The following NBPF11 variants were observed in gnomAD, a reference collection of about 807,000 sequenced individuals.
The protein encoded by NBPF11 is NBPF member 11.
NBPF11 carries 72 observed loss-of-function variants against 93.9 expected under a neutral mutation model. The ratio of observed to expected loss-of-function variants is 0.77; its 90% CI spans 0.63 to 0.93. The LOEUF (loss-of-function observed/expected upper bound fraction) is 0.93. Ranked by LOEUF, NBPF11 falls within the 40% of genes least tolerant of loss-of-function variation. The pLI is 0.00. For missense variants in NBPF11, 705 were observed against 802.2 expected (o/e 0.88, Z 1.46); for synonymous variants, 224 against 304.9 (o/e 0.73, Z 2.76).
At chr1:148,147,699 G>A (rs1330466807) in intron 1 of NBPF11, among the ~76,000 whole-genome samples, 11 of 151,966 alleles carry the variant, frequency 7.2e-5, no homozygotes, top group East Asian at 1.9e-4. Context: ...TGGGGTCGTC[G>A]TTGCCTTGGT....
intron 2 of NBPF11, among the ~76,000 whole-genome samples, chr1:148,140,368 C>G (rs1275577478): frequency 6.6e-6 from 1 of 151,108 alleles, no homozygotes; most frequent in Non-Finnish European, 1.5e-5. Context: ...TCAATGATGG[C>G]TTCTTAAATA....
At position 148,122,098 on chromosome 1, in the gene NBPF11, TTC is replaced by T; in HGVS notation, c.733_734del (p.Glu245IlefsTer4). ...CATCCTGACATCCATCATGAGAGGA[TTC>T]TCTGTCTACAACCAGAGATGAGTTG... ...KVNSSLVVDR[E>X]SSHDGCQDAL... is the part of the protein sequence containing the mutation. On this transcript the variant is annotated frameshift_variant, in exon 9 of 24. Transcript: ENST00000682118. LOFTEE classifies it high-confidence loss of function. 6.2e-7 allele frequency: 1 copy of T among 1,612,598 alleles called. No individual in the cohort carries two copies. The highest frequency in any genetic ancestry group is 1.7e-5 in the Admixed American group (1 of 60,018).
intron 4 of NBPF11, among the ~76,000 whole-genome samples, chr1:148,132,250 T>G (rs1223774545): frequency 1.4e-5 from 2 of 146,188 alleles, no homozygotes; most frequent in African/African-American, 2.6e-5. Context: ...TGTGTGTGTG[T>G]GTGTGGGGGT....
Position 148,122,035 on chromosome 1 carries a change from A to T in NBPF11, c.778+20T>A. ...CATAGCCTAGACAGAGGTATGAGAC[A>T]CAAGGAAAATAGAGGCTACCTGGGA... is the stretch of plus-strand genomic sequence containing the variant. On this transcript the variant is annotated intron_variant, in intron 9 of 23. Coordinates refer to ENST00000682118, the MANE Select transcript of NBPF11 (RefSeq NM_001385469.3). The T allele has an allele frequency of 6.5e-7, 1 of 1,548,402 alleles. No individual in the cohort carries two copies. Among genetic ancestry groups the T allele is most frequent in the Non-Finnish European group, 8.9e-7 (1 of 1,120,670 alleles).
intron 3 of NBPF11, among the ~76,000 whole-genome samples, chr1:148,137,261 A>G (rs1384555445): frequency 2.6e-5 from 4 of 151,796 alleles, no homozygotes; most frequent in South Asian, 2.1e-4. Context: ...GAAGGACTCC[A>G]TAAGTTGTTA....
chr1:148,109,878 C>T lies in NBPF11; in HGVS notation c.1801+500G>A, dbSNP rs1385995294. Among the ~76,000 whole-genome samples the T allele has an allele frequency of 1.9e-3, 261 of 138,442 alleles. 1 individual carries two copies. Among genetic ancestry groups the T allele is most frequent in the African/African-American group, 6.9e-3 (241 of 35,102 alleles). 90.8% of individuals were successfully genotyped at this position (138,442 alleles called of 152,430 possible). The stretch of plus-strand genomic sequence containing the variant: ...TGACGGACAGATGAGCTAAAACAAG[C>T]GAACTTAGAAGACACAGAAAATGGG... On this transcript the variant is annotated intron_variant, in intron 16 of 23. Coordinates refer to ENST00000682118, the MANE Select transcript of NBPF11 (RefSeq NM_001385469.3).
intron 19 of NBPF11, among the ~76,000 whole-genome samples, chr1:148,107,387 C>T (rs1197337180): frequency 6.6e-5 from 10 of 151,028 alleles, no homozygotes; most frequent in African/African-American, 2.4e-4. Flanking sequence ...TCAAAGGACA[C>T]TCTGAGTTAG....
Position 148,103,684 on chromosome 1 carries a change from G to C in NBPF11, c.*212C>G. On this transcript the variant is annotated 3_prime_UTR_variant, in exon 24 of 24. Transcript: ENST00000682118. ...TAAGGGCTGCTTATTGTGGGAATAT[G>C]ACTCCCATCTGGAAGACCAGGTGGA... 3 of 1,611,272 alleles carry C rather than the reference G, an allele frequency of 1.9e-6. No homozygotes were observed. Among genetic ancestry groups the C allele is most frequent in the South Asian group, 1.1e-5 (1 of 90,982 alleles).
intron 7 of NBPF11, among the ~76,000 whole-genome samples, chr1:148,123,190 G>T (rs1174544783): frequency 1.3e-5 from 2 of 151,930 alleles, no homozygotes; most frequent in African/African-American, 4.9e-5. Flanking sequence ...GGACAAACTT[G>T]TCCCACAGTC....
chr1:148,143,277 T>C (rs1432470769), intron 2 of NBPF11, 138 bp downstream of exon 2: 41 of 467,640 alleles, frequency 8.8e-5, no homozygotes, highest in South Asian at 1.9e-4. Context: ...ATTTAACATA[T>C]ATTTATTTAA....
At position 148,116,718 on chromosome 1, in the gene NBPF11, C is replaced by T. The variant is rs1418864199; in HGVS notation, c.1307-183G>A. Among the ~76,000 whole-genome samples, 1,406 of 151,752 alleles carry T rather than the reference C, an allele frequency of 9.3e-3. 8 individuals carry two copies. Among genetic ancestry groups the T allele is most frequent in the Non-Finnish European group, 0.014 (954 of 67,986 alleles). On this transcript the variant is annotated intron_variant, in intron 12 of 23. Transcript: ENST00000682118. Reference sequence around the variant, plus strand: ...TCCTGGTCCATCAGGCAATGCATTTCTGATCTGGAGGGCCACCATCAAGAT... The same window carrying T: ...TCCTGGTCCATCAGGCAATGCATTTTTGATCTGGAGGGCCACCATCAAGAT...
At chr1:148,140,863 A>G (rs3992740) in intron 2 of NBPF11, among the ~76,000 whole-genome samples, 5 of 151,628 alleles carry the variant, frequency 3.3e-5, no homozygotes, top group Admixed American at 2.0e-4. Flanking sequence ...GTAAGTACTT[A>G]CAGCAATTTT....
At position 148,110,377 on chromosome 1, in the gene NBPF11, C is replaced by T. The variant is rs1664958568; in HGVS notation, c.1801+1G>A. On this transcript the variant is annotated splice_donor_variant, in intron 16 of 23. Transcript: ENST00000682118. LOFTEE classifies it high-confidence loss of function. ...TATCACCTTCACAATGGAGTACTCA[C>T]TGCCTATGTCAACAGCCATGCAGAC... 2.5e-6 allele frequency: 4 copies of T among 1,581,866 alleles called. No homozygotes were observed. In the East Asian group the frequency reaches 9.0e-5, roughly 36 times the overall value.
chr1:148,146,573 C>T (rs1673125791), intron 1 of NBPF11: 25 of 1,606,862 alleles, frequency 1.6e-5, no homozygotes, highest in Non-Finnish European at 2.1e-5. Context: ...AGAGCCTCCT[C>T]GGGCGCACCC....
At chr1:148,146,109 C>T (rs1352461158) in intron 1 of NBPF11, among the ~76,000 whole-genome samples, 2 of 151,414 alleles carry the variant, frequency 1.3e-5, no homozygotes, top group African/African-American at 2.4e-5. Flanking sequence ...GGCGGGCGGC[C>T]GGGAGCCATG....
At chr1:148,133,571 T>C (rs1670783007) in intron 4 of NBPF11, among the ~76,000 whole-genome samples, 1 of 152,118 alleles carries the variant, frequency 6.6e-6, no homozygotes. Context: ...CCAAATGCTT[T>C]TACTGTGTAT....
In NBPF11 at chr1:148,102,487, C is replaced by G. The variant is rs1283822725; in HGVS notation, c.*1409G>C. Reference sequence around the variant, plus strand: ...CCCCTCCTTAACCAAGTAACCAGTCCTGATATCATAATGGTGTTGGACAAA... The same window carrying G: ...CCCCTCCTTAACCAAGTAACCAGTCGTGATATCATAATGGTGTTGGACAAA... On this transcript the variant is annotated 3_prime_UTR_variant, in exon 24 of 24. Coordinates refer to ENST00000682118, the MANE Select transcript of NBPF11 (RefSeq NM_001385469.3). 1.4e-4 allele frequency: 22 copies of G among 151,778 alleles called. No homozygotes were observed. Among genetic ancestry groups the G allele is most frequent in the Non-Finnish European group, 2.9e-4 (20 of 68,034 alleles). 9.4% of individuals were successfully genotyped at this position (151,778 alleles called of 1,614,324 possible). A position where few individuals can be genotyped will look rare whatever the true frequency, so the allele number is the denominator to read the frequency against.
Position 148,119,671 on chromosome 1 carries a change from T to A in NBPF11, c.988+830A>T, listed in dbSNP as rs1170051596. ...CTTATTTTTATTTATCATTATTATT[T>A]TTTTTTAACAGTCTTGCCCTGTCAC... On this transcript the variant is annotated intron_variant, in intron 10 of 23. Coordinates refer to ENST00000682118, the MANE Select transcript of NBPF11 (RefSeq NM_001385469.3). Among the ~76,000 whole-genome samples, 483 of 152,108 alleles carry A rather than the reference T, an allele frequency of 3.2e-3. 3 individuals are homozygous for A. Among genetic ancestry groups the A allele is most frequent in the African/African-American group, 5.7e-3 (237 of 41,358 alleles).
At chr1:148,121,036 C>T (rs3992670) in intron 9 of NBPF11, among the ~76,000 whole-genome samples, 23,811 of 151,530 alleles carry the variant, frequency 0.16, 2,117 homozygotes, top group East Asian at 0.28. Context: ...TAAATTTTTT[C>T]CTTTTTTGGT....
Sources: gnomAD v4.1 joint callset for allele counts (sites outside exome capture counted in the v4.1 genomes callset) on GRCh38, gnomAD v4.1.1 for gene constraint, MANE v1.5 for transcripts, NCBI Gene and HGNC (gene_info 2026-07-23, HGNC 2026-07-21) for gene names.